DMD: variants seen among roughly 807,000 people sequenced by gnomAD.
DMD encodes the protein mutant dystrophin.
DMD carries 63 observed loss-of-function variants against 330.1 expected under a neutral mutation model. That is an observed-to-expected ratio of 0.19 (90% confidence interval 0.16 to 0.24). DMD has a LOEUF of 0.24. Ranked by LOEUF, DMD falls within the 10% of genes least tolerant of loss-of-function variation. The probability of loss-of-function intolerance (pLI) is 1.00; values close to 1 mark genes in which losing one functional copy is unlikely to be tolerated. For synonymous variants in DMD, 1,223 were observed against 959.8 expected, an observed-to-expected ratio of 1.27 and a Z score of -5.07; for missense variants, 3,344 against 2,684.1, an observed-to-expected ratio of 1.25 and a Z score of -5.43.
intron 48 of DMD, among the ~76,000 whole-genome samples, chrX:31,846,695 G>T (rs907742998): frequency 3.6e-5 from 4 of 111,236 alleles, no homozygotes; most frequent in African/African-American, 1.3e-4. Context: ...AATTTCATCT[G>T]TGTTTCTTGT....
intron 2 of DMD, among the ~76,000 whole-genome samples, chrX:33,001,057 C>T: frequency 9.0e-6 from 1 of 111,462 alleles, no homozygotes; most frequent in Non-Finnish European, 1.9e-5. Flanking sequence ...TAATCACCTA[C>T]TGTTAAGACA....
chrX:31,330,745 G>A (rs2057076770), intron 61 of DMD, among the ~76,000 whole-genome samples: 1 of 111,729 alleles, frequency 9.0e-6, no homozygotes, highest in Non-Finnish European at 1.9e-5. Context: ...AAGCTTTCAT[G>A]TAGTTATTAG....
chrX:32,377,474 A>G lies in DMD; in HGVS notation c.4845+3036T>C, dbSNP rs183879070. 5.4e-5 allele frequency among the ~76,000 whole-genome samples: 6 copies of G among 111,563 alleles called. No individual in the cohort carries two copies. In the East Asian group the frequency reaches 1.7e-3, roughly 32 times the overall value. On this transcript the variant is annotated intron_variant, in intron 34 of 78. Coordinates refer to ENST00000357033, the MANE Select transcript of DMD (RefSeq NM_004006.3). Reference sequence around the variant, plus strand: ...AGGCTCAATAGCCAATTTCTCTGTGACTGGTTCAAACCCAAAACTCTATGT... The same window carrying G: ...AGGCTCAATAGCCAATTTCTCTGTGGCTGGTTCAAACCCAAAACTCTATGT...
intron 44 of DMD, among the ~76,000 whole-genome samples, chrX:32,186,410 C>G (rs921351012): frequency 1.8e-5 from 2 of 111,307 alleles, no homozygotes; most frequent in African/African-American, 6.5e-5. Context: ...CTGATTGATT[C>G]TGCATTTTTA....
chrX:32,271,976 A>T (rs1469720508), intron 43 of DMD, among the ~76,000 whole-genome samples: 1 of 111,803 alleles, frequency 8.9e-6, no homozygotes, highest in Middle Eastern at 4.2e-3. Context: ...TGAGAAGCTT[A>T]TTATATACAT....
At chrX:32,972,088 C>T (rs1208224296) in intron 2 of DMD, among the ~76,000 whole-genome samples, 1 of 111,833 alleles carries the variant, frequency 8.9e-6, no homozygotes, top group African/African-American at 3.2e-5. Context: ...AATACATCCG[C>T]ACTTAGCAAA....
intron 52 of DMD, among the ~76,000 whole-genome samples, chrX:31,708,369 G>T (rs5927814): frequency 7.2e-5 from 8 of 110,396 alleles, no homozygotes; most frequent in African/African-American, 2.3e-4. Context: ...CACAATATAC[G>T]GGCAGATCTA....
chrX:31,776,175 AAG>A (rs1418608408), intron 50 of DMD, among the ~76,000 whole-genome samples: 9 of 111,425 alleles, frequency 8.1e-5, no homozygotes, highest in Non-Finnish European at 7.5e-5. Flanking sequence ...TGAGGATGAA[AAG>A]AGAGCTAAAT....
At chrX:32,356,379 T>TAAAA (rs71888370) in intron 37 of DMD, among the ~76,000 whole-genome samples, 8 of 52,738 alleles carry the variant, frequency 1.5e-4, no homozygotes, top group African/African-American at 4.5e-4. Flanking sequence ...TGAATGGAAG[T>TAAAA]AAAAAAAAAA....
At chrX:31,611,867 C>T (rs368659520) in intron 55 of DMD, among the ~76,000 whole-genome samples, 28 of 110,942 alleles carry the variant, frequency 2.5e-4, no homozygotes, top group African/African-American at 7.9e-4. Context: ...GGCCATTTAG[C>T]CTTTAAATTT....
At chrX:31,355,874 A>T (rs1272318147) in intron 60 of DMD, among the ~76,000 whole-genome samples, 1 of 109,634 alleles carries the variant, frequency 9.1e-6, no homozygotes, top group Non-Finnish European at 1.9e-5. Flanking sequence ...AAATAATAAA[A>T]AAAAAAAAAG....
chrX:31,909,204 A>G (rs1378647982), intron 47 of DMD, among the ~76,000 whole-genome samples: 4 of 111,827 alleles, frequency 3.6e-5, no homozygotes, highest in Non-Finnish European at 7.5e-5. Context: ...CGTTCCTTTG[A>G]GGAACTTTGC....
At chrX:32,791,585 T>C (rs1362741612) in intron 7 of DMD, among the ~76,000 whole-genome samples, 1 of 111,922 alleles carries the variant, frequency 8.9e-6, no homozygotes, top group African/African-American at 3.2e-5. Context: ...TATACTACTA[T>C]ATACATTCAG....
intron 37 of DMD, among the ~76,000 whole-genome samples, chrX:32,361,418 A>G (rs768770261): frequency 8.9e-6 from 1 of 111,799 alleles, no homozygotes; most frequent in Non-Finnish European, 1.9e-5. Flanking sequence ...TAGAGAATAT[A>G]GCCTTTTAAA....
chrX:32,989,278 A>G (rs1430425057), intron 2 of DMD, among the ~76,000 whole-genome samples: 1 of 111,783 alleles, frequency 8.9e-6, no homozygotes, highest in African/African-American at 3.2e-5. Flanking sequence ...AAAACACTGC[A>G]AAACCCTTCT....
In DMD at chrX:32,304,745, A is replaced by G. The variant is rs377208718; in HGVS notation, c.6117+5337T>C. On this transcript the variant is annotated intron_variant, in intron 42 of 78. Coordinates refer to ENST00000357033, the MANE Select transcript of DMD (RefSeq NM_004006.3). ...GAAGAAACAAATTATATTTATAACC[A>G]AATAAATGTGTTGAAAAACTCAATT... Among the ~76,000 whole-genome samples the G allele has an allele frequency of 5.3e-4, 59 of 111,582 alleles. 1 individual carries two copies. In the South Asian group the frequency reaches 0.017, roughly 33 times the overall value.
chrX:31,284,580 TC>T (rs2052955970), intron 62 of DMD, among the ~76,000 whole-genome samples: 1 of 95,146 alleles, frequency 1.1e-5, no homozygotes, highest in Non-Finnish European at 2.1e-5. Context: ...TTCTTCTTCT[TC>T]TTCTTCTTCT....
intron 60 of DMD, among the ~76,000 whole-genome samples, chrX:31,434,323 T>C (rs1441157664): frequency 1.8e-5 from 2 of 109,614 alleles, no homozygotes; most frequent in Non-Finnish European, 3.8e-5. Context: ...TCACTCAGCT[T>C]GTCTTCATCC....
At position 32,926,973 on chromosome X, in the gene DMD, G is replaced by T. The variant is rs758165311; in HGVS notation, c.94-77153C>A. ...TAACACATTTACTAGGTTGTTATAA[G>T]ATCTAAACATGGCATCATCTGCAGA... On this transcript the variant is annotated intron_variant, in intron 2 of 78. Transcript: ENST00000357033. Among the ~76,000 whole-genome samples, 129 of 111,010 alleles carry T rather than the reference G, an allele frequency of 1.2e-3. 1 individual carries two copies. Among genetic ancestry groups the T allele is most frequent in the Middle Eastern group, 4.7e-3 (1 of 213 alleles).
Sources: gnomAD v4.1 joint callset for allele counts (sites outside exome capture counted in the v4.1 genomes callset) on GRCh38, gnomAD v4.1.1 for gene constraint, MANE v1.5 for transcripts, NCBI Gene and HGNC (gene_info 2026-07-23, HGNC 2026-07-21) for gene names.